Variants in MCF2 observed in about 807,000 individuals in gnomAD.
MCF2 encodes the protein proto-oncogene DBL.
In MCF2, 44 loss-of-function variants were observed where a neutral mutation model predicts 82.5. The ratio of observed to expected loss-of-function variants is 0.53; its 90% CI spans 0.42 to 0.69. The LOEUF (loss-of-function observed/expected upper bound fraction) is 0.69. Ranked by LOEUF, MCF2 falls within the 30% of genes least tolerant of loss-of-function variation. MCF2 has a pLI of 0.00. For missense variants in MCF2, 623 were observed against 663.1 expected, an observed-to-expected ratio of 0.94 and a Z score of 0.66; for synonymous variants, 217 against 224.9, an observed-to-expected ratio of 0.96 and a Z score of 0.32.
chrX:139,645,873 GTCAA>G (rs1690938206), upstream of MCF2, among the ~76,000 whole-genome samples: 1 of 111,376 alleles, frequency 9.0e-6, no homozygotes, highest in African/African-American at 3.3e-5. Flanking sequence ...CAGCATTAAT[GTCAA>G]TCTTTTAAAT....
Position 139,703,055 on chromosome X carries a change from C to T in MCF2, c.-45+5051G>A, listed in dbSNP as rs150122107. Among the ~76,000 whole-genome samples, 192 of 112,194 alleles carry T rather than the reference C, an allele frequency of 1.7e-3. 1 individual carries two copies. Among genetic ancestry groups the T allele is most frequent in the African/African-American group, 5.5e-3 (170 of 30,937 alleles). On this transcript the variant is annotated intron_variant, in intron 1 of 27. Transcript: ENST00000414978. ...CCCTGGTCCCAAATGGGGACCACTGCGGCAAATTATCCAATCTTCAGAACT... is the reference window on the plus strand; with the variant it reads ...CCCTGGTCCCAAATGGGGACCACTGTGGCAAATTATCCAATCTTCAGAACT...
chrX:139,592,544 C>T (rs1222335381), intron 19 of MCF2, among the ~76,000 whole-genome samples: 1 of 111,591 alleles, frequency 9.0e-6, no homozygotes, highest in African/African-American at 3.3e-5. Flanking sequence ...TCAAATATGC[C>T]TATGAAGGTA....
intron 1 of MCF2, among the ~76,000 whole-genome samples, chrX:139,688,172 A>G (rs1935173942): frequency 8.9e-6 from 1 of 111,990 alleles, no homozygotes; most frequent in African/African-American, 3.2e-5. Context: ...CCCATTTAGT[A>G]TAGGGACAAA....
At chrX:139,620,260 G>A (rs977499349) in intron 6 of MCF2, among the ~76,000 whole-genome samples, 4 of 110,203 alleles carry the variant, frequency 3.6e-5, no homozygotes, top group African/African-American at 1.3e-4. Context: ...ATAGGTACAA[G>A]ATGAACTTGG....
At chrX:139,684,597 G>A (rs1165597333) in intron 1 of MCF2, among the ~76,000 whole-genome samples, 1 of 112,275 alleles carries the variant, frequency 8.9e-6, no homozygotes, top group African/African-American at 3.2e-5. Flanking sequence ...CATTTTTATT[G>A]GATAATTAAA....
At chrX:139,623,573 A>G in intron 6 of MCF2, among the ~76,000 whole-genome samples, 1 of 111,500 alleles carries the variant, frequency 9.0e-6, no homozygotes, top group Non-Finnish European at 1.9e-5. Context: ...GGAGACTACC[A>G]AAAGGGGGAA....
At chrX:139,705,029 T>G (rs1042527495) in intron 1 of MCF2, among the ~76,000 whole-genome samples, 2 of 111,644 alleles carry the variant, frequency 1.8e-5, no homozygotes, top group African/African-American at 6.5e-5. Flanking sequence ...ACAACTTGGG[T>G]GGCTGGGCAC....
chrX:139,598,280 A>T (rs1049875485), intron 17 of MCF2, 126 bp downstream of exon 21: 16 of 450,584 alleles, frequency 3.6e-5, no homozygotes, highest in Non-Finnish European at 4.8e-5. Flanking sequence ...ATTCTGCCAA[A>T]TCCAGCCTTC....
rs375604361 is a variant in MCF2 at position 139,615,055 on chromosome X, G to A, written c.1192-3C>T. 3.0e-5 allele frequency: 35 copies of A among 1,186,276 alleles called. No homozygotes were observed. The African/African-American group carries it at 3.9e-4, about 13-fold the overall frequency. ...AGTTGTATAGTCTTCATTTGAACCT[G>A]CGAGTTGTATAAGAATTATAGGAAA... On this transcript the variant is annotated splice_region_variant and splice_polypyrimidine_tract_variant and intron_variant, in intron 9 of 24. Transcript: ENST00000370576.
In MCF2 at chrX:139,669,216, G is replaced by A. The variant is rs557180060; in HGVS notation, c.-44-17428C>T. ...AAGACAAAGAATTGAGTTAAAATGG[G>A]CAAAATATTTGAATAGACATATCTC... On this transcript the variant is annotated intron_variant, in intron 1 of 27. Transcript: ENST00000414978. Among the ~76,000 whole-genome samples, 6 of 111,736 alleles carry A rather than the reference G, an allele frequency of 5.4e-5. No individual in the cohort carries two copies. In the South Asian group the frequency reaches 2.2e-3, roughly 42 times the overall value.
chrX:139,683,864 A>C, intron 1 of MCF2, among the ~76,000 whole-genome samples: 1 of 112,426 alleles, frequency 8.9e-6, no homozygotes, highest in Middle Eastern at 4.6e-3. Context: ...AAGAAGTAAA[A>C]CTATAAAACT....
intron 1 of MCF2, among the ~76,000 whole-genome samples, chrX:139,673,354 C>T (rs189214254): frequency 0.032 from 3,577 of 111,301 alleles, 151 homozygotes; most frequent in African/African-American, 0.11. Flanking sequence ...TTGTCTTCTG[C>T]TAGCTTTTGA....
chrX:139,665,926 TAC>T (rs577470376), intron 1 of MCF2, among the ~76,000 whole-genome samples: 8,030 of 72,754 alleles, frequency 0.11, 346 homozygotes, highest in African/African-American at 0.16. Flanking sequence ...TATATATATA[TAC>T]ACACACACAC....
chrX:139,598,174 T>C (rs956637953), intron 17 of MCF2, among the ~76,000 whole-genome samples: 8 of 112,003 alleles, frequency 7.1e-5, no homozygotes, highest in Non-Finnish European at 1.1e-4. Context: ...ACAACTTGTA[T>C]GAAAAATTAA....
chrX:139,649,822 G>A (rs1314400133), intron 2 of MCF2, among the ~76,000 whole-genome samples: 1 of 111,594 alleles, frequency 9.0e-6, no homozygotes, highest in Non-Finnish European at 1.9e-5. Context: ...GGTGCAGCAA[G>A]CCCTGAGGAT....
intron 16 of MCF2, 24 bp downstream of exon 20, chrX:139,602,382 C>T (rs1472275581): frequency 9.6e-7 from 1 of 1,038,455 alleles, no homozygotes; most frequent in South Asian, 2.0e-5. Flanking sequence ...AAGAATATAT[C>T]CAATACTTGA....
chrX:139,694,889 C>T (rs780415058), intron 1 of MCF2, among the ~76,000 whole-genome samples: 1 of 109,445 alleles, frequency 9.1e-6, no homozygotes, highest in Admixed American at 9.8e-5. Flanking sequence ...ATCAAAAATG[C>T]CATTCCTTGT....
intron 6 of MCF2, among the ~76,000 whole-genome samples, chrX:139,625,853 T>C (rs968033354): frequency 1.8e-5 from 2 of 111,895 alleles, no homozygotes; most frequent in Admixed American, 1.9e-4. Flanking sequence ...AGAAGGAAGT[T>C]GGTATTATTC....
chrX:139,693,699 G>T (rs905364404), intron 1 of MCF2, among the ~76,000 whole-genome samples: 6 of 111,704 alleles, frequency 5.4e-5, no homozygotes, highest in African/African-American at 1.6e-4. Flanking sequence ...TAAAATTTCC[G>T]CACTACTGTG....
Sources: gnomAD v4.1 joint callset for allele counts (sites outside exome capture counted in the v4.1 genomes callset) on GRCh38, gnomAD v4.1.1 for gene constraint, MANE v1.5 for transcripts, NCBI Gene and HGNC (gene_info 2026-07-23, HGNC 2026-07-21) for gene names.